The following TXNDC11 variants were observed in gnomAD, a reference collection of about 807,000 sequenced individuals.
TXNDC11 encodes thioredoxin domain-containing protein 11.
TXNDC11 carries 68 observed loss-of-function variants against 78.0 expected under a neutral mutation model. The ratio of observed to expected loss-of-function variants is 0.87; its 90% CI spans 0.72 to 1.07. The LOEUF is 1.07. TXNDC11 is among the 50% of genes least tolerant of loss of function. The probability of loss-of-function intolerance (pLI) is 0.00; values close to 1 mark genes in which losing one functional copy is unlikely to be tolerated. For synonymous variants in TXNDC11, 571 were observed against 495.2 expected, an observed-to-expected ratio of 1.15 and a Z score of -2.03; for missense variants, 1,389 against 1,221.8, an observed-to-expected ratio of 1.14 and a Z score of -2.04.
At chr16:11,680,415 C>T (rs1567285814) in intron 11 of TXNDC11, among the ~76,000 whole-genome samples, 1 of 152,264 alleles carries the variant, frequency 6.6e-6, no homozygotes, top group Non-Finnish European at 1.5e-5. Flanking sequence ...AACCTGATAA[C>T]TGGCAAACAG....
At chr16:11,681,271 G>A (rs1008008255) in intron 11 of TXNDC11, among the ~76,000 whole-genome samples, 1 of 152,238 alleles carries the variant, frequency 6.6e-6, no homozygotes, top group African/African-American at 2.4e-5. Flanking sequence ...CTGCCCCCAC[G>A]TTCTGCGGCA....
intron 5 of TXNDC11, among the ~76,000 whole-genome samples, chr16:11,716,323 C>T (rs2141073649): frequency 6.6e-6 from 1 of 152,342 alleles, no homozygotes; most frequent in African/African-American, 2.4e-5. Context: ...CACATTTTTA[C>T]AGCAAATAAT....
At chr16:11,730,503 T>C in intron 4 of TXNDC11, 142 bp downstream of exon 4, 1 of 797,338 alleles carries the variant, frequency 1.3e-6, no homozygotes, top group South Asian at 2.5e-5. Context: ...TCAAAAAGCA[T>C]TTAACTGGGG....
intron 5 of TXNDC11, among the ~76,000 whole-genome samples, chr16:11,708,760 A>G (rs2141053102): frequency 6.6e-6 from 1 of 152,360 alleles, no homozygotes; most frequent in African/African-American, 2.4e-5. Context: ...TAAACTGAAA[A>G]TAGTGGTATA....
intron 1 of TXNDC11, among the ~76,000 whole-genome samples, chr16:11,739,992 A>C (rs2052344320): frequency 1.3e-5 from 2 of 152,148 alleles, no homozygotes; most frequent in African/African-American, 2.4e-5. Flanking sequence ...CAGGAGTTCG[A>C]GACCAGCCTG....
At chr16:11,715,636 C>T (rs1206001522) in intron 5 of TXNDC11, among the ~76,000 whole-genome samples, 1 of 152,198 alleles carries the variant, frequency 6.6e-6, no homozygotes, top group Non-Finnish European at 1.5e-5. Flanking sequence ...CATACATTCA[C>T]CAAGCACGGT....
At chr16:11,716,603 A>G in intron 5 of TXNDC11, among the ~76,000 whole-genome samples, 1 of 152,358 alleles carries the variant, frequency 6.6e-6, no homozygotes, top group South Asian at 2.1e-4. Flanking sequence ...TGTAAGACCT[A>G]CTATAAAAAA....
intron 5 of TXNDC11, chr16:11,703,563 G>A (rs1320759381): frequency 1.5e-5 from 9 of 600,714 alleles, no homozygotes; most frequent in Non-Finnish European, 2.4e-5. Context: ...GAGAGGGGAT[G>A]GATAGAGAAA....
chr16:11,685,625 G>C (rs1481449282), intron 10 of TXNDC11, among the ~76,000 whole-genome samples: 1 of 151,746 alleles, frequency 6.6e-6, no homozygotes, highest in African/African-American at 2.4e-5. Flanking sequence ...CTCCAGCCTG[G>C]GCAACAGAGC....
At chr16:11,722,625 T>C (rs2141091994) in intron 4 of TXNDC11, among the ~76,000 whole-genome samples, 1 of 152,306 alleles carries the variant, frequency 6.6e-6, no homozygotes, top group South Asian at 2.1e-4. Flanking sequence ...AGTTGCCTGA[T>C]GTGGAAATAG....
rs183145917 is a variant in TXNDC11 at position 11,737,817 on chromosome 16, C to A, written c.255-1584G>T. ...AGTGAGCCAAGATCATGCCATTGCA[C>A]TCAGCCTCGGCAACAGAGCGAGACT... On this transcript the variant is annotated intron_variant, in intron 1 of 11. Transcript: ENST00000283033. Among the ~76,000 whole-genome samples, 24 of 144,664 alleles carry A rather than the reference C, an allele frequency of 1.7e-4. No individual in the cohort carries two copies. The East Asian group carries it at 4.3e-3, about 26-fold the overall frequency. The allele number at this position is 144,664 out of a possible 152,430, so 94.9% of individuals were successfully genotyped here.
intron 1 of TXNDC11, among the ~76,000 whole-genome samples, chr16:11,738,857 A>G (rs1026587510): frequency 2.0e-5 from 3 of 152,014 alleles, no homozygotes; most frequent in Non-Finnish European, 4.4e-5. Flanking sequence ...GGGAAACCCC[A>G]TTTCTACTAA....
intron 6 of TXNDC11, among the ~76,000 whole-genome samples, chr16:11,698,928 G>A (rs543914911): frequency 5.9e-5 from 9 of 152,308 alleles, no homozygotes; most frequent in South Asian, 2.1e-4. Context: ...TTACGTGTAC[G>A]AATAAATGAA....
chr16:11,681,369 T>C (rs1310665511), intron 11 of TXNDC11, among the ~76,000 whole-genome samples: 1 of 152,166 alleles, frequency 6.6e-6, no homozygotes, highest in Non-Finnish European at 1.5e-5. Flanking sequence ...CTCCAGACAT[T>C]TACAGGACAG....
Position 11,742,652 on chromosome 16 carries a change from G to GCCGCC in TXNDC11, c.78_79insGGCGG (p.Pro27GlyfsTer66). On this transcript the variant is annotated frameshift_variant, in exon 1 of 12. Transcript: ENST00000283033. LOFTEE classifies it high-confidence loss of function. ...GAGCTGAGGCAGTCTGAGCCCGCGG[G>GCCGCC]GCCGCCGCCGCCCCCTCCCTCGTCC... is the stretch of plus-strand genomic sequence containing the variant. The GCCGCC allele has an allele frequency of 2.7e-6, 4 of 1,457,962 alleles. No individual in the cohort carries two copies. The highest frequency in any genetic ancestry group is 6.0e-5 in the East Asian group (2 of 33,156). The allele number at this position is 1,457,962 out of a possible 1,614,324, so 90.3% of individuals were successfully genotyped here. A position where few individuals can be genotyped will look rare whatever the true frequency, so the allele number is the denominator to read the frequency against.
rs529225215 is a variant in TXNDC11 at position 11,682,620 on chromosome 16, T to C, written c.2234+1545A>G. Among the ~76,000 whole-genome samples, 7 of 152,336 alleles carry C rather than the reference T, an allele frequency of 4.6e-5. No homozygotes were observed. The South Asian group carries it at 1.4e-3, about 32-fold the overall frequency. Reference sequence around the variant, plus strand: ...CTGGGTGCTAAGATTTTCATATTTTTTCAAACTATGCTTGGAATTCAAAAA... The same window carrying C: ...CTGGGTGCTAAGATTTTCATATTTTCTCAAACTATGCTTGGAATTCAAAAA... On this transcript the variant is annotated intron_variant, in intron 11 of 11. Coordinates refer to ENST00000283033, the MANE Select transcript of TXNDC11 (RefSeq NM_015914.7).
chr16:11,718,047 T>C (rs2051594952), intron 5 of TXNDC11, among the ~76,000 whole-genome samples: 1 of 152,138 alleles, frequency 6.6e-6, no homozygotes, highest in South Asian at 2.1e-4. Flanking sequence ...TAGCAAATGT[T>C]TGACAAGTTG....
At chr16:11,723,729 T>G (rs1463357203) in intron 4 of TXNDC11, among the ~76,000 whole-genome samples, 1 of 152,220 alleles carries the variant, frequency 6.6e-6, no homozygotes, top group Non-Finnish European at 1.5e-5. Context: ...AAAATGCTCA[T>G]GTTTTCTGTC....
chr16:11,682,469 G>A (rs774772410), intron 11 of TXNDC11, among the ~76,000 whole-genome samples: 1 of 152,182 alleles, frequency 6.6e-6, no homozygotes, highest in Non-Finnish European at 1.5e-5. Context: ...GCCTAAGAAC[G>A]AAGGTCACTC....
Sources: gnomAD v4.1 joint callset for allele counts (sites outside exome capture counted in the v4.1 genomes callset) on GRCh38, gnomAD v4.1.1 for gene constraint, MANE v1.5 for transcripts, NCBI Gene and HGNC (gene_info 2026-07-23, HGNC 2026-07-21) for gene names.